TIMP3: variants seen among roughly 807,000 people sequenced by gnomAD.
TIMP3 encodes TIMP metallopeptidase inhibitor 3, also known as metalloproteinase inhibitor 3.
In TIMP3, 11 loss-of-function variants were observed where a neutral mutation model predicts 30.0. That is an observed-to-expected ratio of 0.37 (90% CI 0.23 to 0.61). The LOEUF is 0.61. Ranked by LOEUF, TIMP3 falls within the 20% of genes least tolerant of loss-of-function variation. TIMP3 has a pLI of 0.70. For missense variants in TIMP3, 181 were observed against 276.8 expected, an observed-to-expected ratio of 0.65 and a Z score of 2.45; for synonymous variants, 112 against 111.3, an observed-to-expected ratio of 1.01 and a Z score of -0.04.
intron 2 of TIMP3, among the ~76,000 whole-genome samples, chr22:32,854,006 C>T (rs575816367): frequency 3.3e-5 from 5 of 152,298 alleles, no homozygotes; most frequent in African/African-American, 1.2e-4. Context: ...CCTTTAACAT[C>T]TTTTCCAACT....
At chr22:32,832,743 T>G (rs1359272145) in intron 1 of TIMP3, among the ~76,000 whole-genome samples, 1 of 152,020 alleles carries the variant, frequency 6.6e-6, no homozygotes, top group Non-Finnish European at 1.5e-5. Flanking sequence ...CCCTCTCTTT[T>G]TCTGAGACAG....
At chr22:32,814,351 G>GAGAAAGAAAGAGAGAA (rs1431567438) in intron 1 of TIMP3, among the ~76,000 whole-genome samples, 3 of 14,564 alleles carry the variant, frequency 2.1e-4, no homozygotes, top group Admixed American at 1.9e-3. Context: ...GAAAGAAAGA[G>GAGAAAGAAAGAGAGAA]AGAAAGAAAG....
intron 2 of TIMP3, among the ~76,000 whole-genome samples, chr22:32,856,621 G>A (rs149555990): frequency 2.0e-5 from 3 of 152,212 alleles, no homozygotes; most frequent in Non-Finnish European, 4.4e-5. Context: ...CAGGGTAATT[G>A]GGATATTCAT....
rs150793918 is a variant in TIMP3 at position 32,846,525 on chromosome 22, G to A, written c.122-2927G>A. On this transcript the variant is annotated intron_variant, in intron 1 of 4. Coordinates refer to ENST00000266085, the MANE Select transcript of TIMP3 (RefSeq NM_000362.5). ...GGATGGACTACATACTGTTCTCAGC[G>A]CTTATATTAATACGACCCTCACAGC... Among the ~76,000 whole-genome samples, 337 of 152,296 alleles carry A rather than the reference G, an allele frequency of 2.2e-3. 1 individual carries two copies. The highest frequency in any genetic ancestry group is 7.9e-3 in the African/African-American group (327 of 41,552).
At chr22:32,818,187 A>G (rs915812722) in intron 1 of TIMP3, among the ~76,000 whole-genome samples, 2 of 152,184 alleles carry the variant, frequency 1.3e-5, no homozygotes, top group Non-Finnish European at 2.9e-5. Flanking sequence ...GGCTGCTCAG[A>G]GCGTTTTGGT....
intron 1 of TIMP3, among the ~76,000 whole-genome samples, chr22:32,839,447 C>T (rs1272700059): frequency 6.6e-6 from 1 of 152,064 alleles, no homozygotes; most frequent in Non-Finnish European, 1.5e-5. Context: ...TTGAGGTAGT[C>T]GCCTCATTGG....
chr22:32,804,505 GT>G (rs2046673609), intron 1 of TIMP3, among the ~76,000 whole-genome samples: 1 of 152,202 alleles, frequency 6.6e-6, no homozygotes, highest in Admixed American at 6.5e-5. Flanking sequence ...TCAACTTCCT[GT>G]TTTAAAACCA....
intron 1 of TIMP3, among the ~76,000 whole-genome samples, chr22:32,839,647 T>A (rs904398314): frequency 6.6e-6 from 1 of 152,178 alleles, no homozygotes; most frequent in Admixed American, 6.5e-5. Context: ...AGTGGCTGAC[T>A]TTAAGCAGTT....
chr22:32,822,155 C>CAAAAAAAA (rs35312009), intron 1 of TIMP3, among the ~76,000 whole-genome samples: 1 of 108,322 alleles, frequency 9.2e-6, no homozygotes, highest in Non-Finnish European at 1.8e-5. Flanking sequence ...AACTCCATCT[C>CAAAAAAAA]AAAAAAAAAA....
At position 32,859,386 on chromosome 22, in the gene TIMP3, C is replaced by T. The variant is rs947571728; in HGVS notation, c.*9C>T. 1.2e-6 allele frequency: 2 copies of T among 1,605,556 alleles called. No homozygotes were observed. Among genetic ancestry groups the T allele is most frequent in the African/African-American group, 2.7e-5 (2 of 74,906 alleles). On this transcript the variant is annotated 3_prime_UTR_variant, in exon 5 of 5. Coordinates refer to ENST00000266085, the MANE Select transcript of TIMP3 (RefSeq NM_000362.5). ...ATGCCACAGACCCCTGAGCGCCAGA[C>T]CCTGCCCCACCTCACTTCCCTCCCT... is the stretch of plus-strand genomic sequence containing the variant.
rs372960245 is a variant in TIMP3, at chr22:32,849,507, G to A, written c.177G>A (p.Thr59=). The change falls in exon 2 of 5, where the codon ACG becomes ACA. Residue 59 remains threonine (T), a synonymous_variant. Transcript: ENST00000266085. The part of the protein sequence containing the change: ...KKLVKEGPFG[T]LVYTIKQMKM... ...TGGTAAAGGAGGGGCCCTTCGGCAC[G>A]CTGGTCTACACCATCAAGCAGATGA... The A allele has an allele frequency of 2.1e-4, 338 of 1,613,454 alleles. No individual in the cohort carries two copies. Among genetic ancestry groups the A allele is most frequent in the Non-Finnish European group, 2.6e-4 (311 of 1,179,856 alleles).
chr22:32,822,124 C>T (rs2047264548), intron 1 of TIMP3, among the ~76,000 whole-genome samples: 1 of 142,526 alleles, frequency 7.0e-6, no homozygotes. Context: ...CATTGCACTC[C>T]AGCCTGGGCA....
intron 1 of TIMP3, among the ~76,000 whole-genome samples, chr22:32,848,228 C>T (rs1185325311): frequency 2.0e-5 from 3 of 152,230 alleles, no homozygotes; most frequent in Non-Finnish European, 4.4e-5. Flanking sequence ...CAGCCCTCAA[C>T]CCACTGGGTG....
intron 2 of TIMP3, among the ~76,000 whole-genome samples, chr22:32,854,885 G>A (rs950213548): frequency 2.0e-5 from 3 of 152,024 alleles, no homozygotes; most frequent in South Asian, 4.1e-4. Context: ...AACTCAGTAG[G>A]TCCAACAGAC....
At chr22:32,802,262 G>A (rs1055221802) in intron 1 of TIMP3, 140 bp downstream of exon 1, 8 of 1,306,726 alleles carry the variant, frequency 6.1e-6, no homozygotes, top group Admixed American at 5.2e-5. Flanking sequence ...GGAGAAACTC[G>A]ATGTCCTTGG....
chr22:32,854,709 C>T (rs934433017), intron 2 of TIMP3, among the ~76,000 whole-genome samples: 1 of 152,116 alleles, frequency 6.6e-6, no homozygotes, highest in African/African-American at 2.4e-5. Context: ...ACCCACCCCG[C>T]GCCCCCACCG....
intron 1 of TIMP3, among the ~76,000 whole-genome samples, chr22:32,803,017 C>T (rs890074121): frequency 6.6e-6 from 1 of 152,058 alleles, no homozygotes; most frequent in African/African-American, 2.4e-5. Flanking sequence ...GCCCCGAGAG[C>T]ATCCTGGGAG....
At chr22:32,829,786 A>T (rs139823632) in intron 1 of TIMP3, among the ~76,000 whole-genome samples, 70 of 152,358 alleles carry the variant, frequency 4.6e-4, no homozygotes, top group Non-Finnish European at 7.9e-4. Context: ...CTCCTCCAGA[A>T]GGAAGGTTTG....
chr22:32,807,023 C>T (rs922704875), intron 1 of TIMP3, among the ~76,000 whole-genome samples: 1 of 151,524 alleles, frequency 6.6e-6, no homozygotes, highest in African/African-American at 2.4e-5. Context: ...TTCAACAATG[C>T]GTACTAGAGA....
Sources: gnomAD v4.1 joint callset for allele counts (sites outside exome capture counted in the v4.1 genomes callset) on GRCh38, gnomAD v4.1.1 for gene constraint, MANE v1.5 for transcripts, NCBI Gene and HGNC (gene_info 2026-07-23, HGNC 2026-07-21) for gene names.